Variants in PYGM observed in about 807,000 individuals in gnomAD.
The protein encoded by PYGM is glycogen phosphorylase, muscle form.
A neutral mutation model predicts 99.3 loss-of-function variants in PYGM; 81 were observed. That is an observed-to-expected ratio of 0.82 (90% CI 0.68 to 0.98). The LOEUF is 0.98. Among genes scored for constraint, PYGM ranks in the 50% least tolerant of loss-of-function variants. The pLI is 0.00. For missense variants in PYGM, 1,030 were observed against 1,158.1 expected, an observed-to-expected ratio of 0.89 and a Z score of 1.61; for synonymous variants, 436 against 451.5, an observed-to-expected ratio of 0.97 and a Z score of 0.44.
In PYGM at chr11:64,747,252, TG is replaced by T; in HGVS notation, c.2283del (p.Asp761GlufsTer42). On this transcript the variant is annotated frameshift_variant, in exon 18 of 20. Transcript: ENST00000164139. LOFTEE classifies it high-confidence loss of function. ...FSPKQPDLFK[D>X]IVNMLMHHDR... ...TCATGGTGCATGAGCATATTGACAA[TG>T]TCCTTGAACAGGTCGGGCTGTTTGG... The T allele has an allele frequency of 6.2e-7, 1 of 1,614,134 alleles. No individual in the cohort carries two copies. The highest frequency in any genetic ancestry group is 8.5e-7 in the Non-Finnish European group (1 of 1,179,958).
intron 16 of PYGM, chr11:64,751,078 G>A (rs902331943): frequency 2.0e-6 from 1 of 497,230 alleles, no homozygotes; most frequent in African/African-American, 2.0e-5. Flanking sequence ...TTTTAGTAGA[G>A]ACGGGGTTTC....
chr11:64,759,713 G>T lies in PYGM; in HGVS notation c.186C>A (p.Asp62Glu). Residue 62 changes from aspartate to glutamate, a missense_variant, in exon 1 of 20, where the codon GAC becomes GAA. By Grantham distance (45) the Asp-to-Glu change is conservative (BLOSUM62 2). Transcript: ENST00000164139. The stretch of plus-strand genomic sequence containing the variant: ...TGCGGATCCAGCGCCCCACGAGGTG[G>T]TCGCGCACGGTATGGGCCAGAGCAA... Reference protein sequence around the residue: ...YYFALAHTVRDHLVGRWIRTQ... With the variant: ...YYFALAHTVREHLVGRWIRTQ... 6.2e-7 allele frequency: 1 copy of T among 1,614,198 alleles called. No individual in the cohort carries two copies. Among genetic ancestry groups the T allele is most frequent in the Non-Finnish European group, 8.5e-7 (1 of 1,180,026 alleles).
chr11:64,759,692 G>A lies in PYGM; in HGVS notation c.207C>T (p.Ile69=), dbSNP rs1187793621. The A allele has an allele frequency of 2.5e-6, 4 of 1,613,980 alleles. No homozygotes were observed. The African/African-American group carries it at 5.3e-5, about 22-fold the overall frequency. ...TCTCATAGTAGTGCTGCTGCGTGCG[G>A]ATCCAGCGCCCCACGAGGTGGTCGC... ...TVRDHLVGRW[I]RTQQHYYEKD... Residue 69 remains isoleucine, a synonymous_variant, in exon 1 of 20, where the codon ATC becomes ATT. Coordinates refer to ENST00000164139, the MANE Select transcript of PYGM (RefSeq NM_005609.4).
chr11:64,756,561 T>C (rs1477846600), intron 5 of PYGM, among the ~76,000 whole-genome samples: 4 of 152,056 alleles, frequency 2.6e-5, no homozygotes, highest in African/African-American at 9.7e-5. Context: ...AGCGATTCTC[T>C]GGCTTCAGCC....
intron 17 of PYGM, among the ~76,000 whole-genome samples, chr11:64,749,861 C>T (rs1161421055): frequency 4.1e-5 from 6 of 146,658 alleles, no homozygotes; most frequent in Non-Finnish European, 7.5e-5. Context: ...GGCGCGATCT[C>T]GGCTCACTGC....
rs2058321329 is a variant in PYGM, at chr11:64,747,321, G to T, written c.2215C>A (p.Leu739Ile). Residue 739 changes from leucine (L) to isoleucine (I), a missense_variant, in exon 18 of 20, where the codon CTT becomes ATT. Coordinates refer to ENST00000164139, the MANE Select transcript of PYGM (RefSeq NM_005609.4). ...CTCAGCTGCTCAATGACCTGCCGAA[G>T]CTCAGGAATGCGATCGTAGTACTCC... The part of the protein sequence containing the change: ...AQEYYDRIPE[L>I]RQVIEQLSSG... 1 of 1,614,248 alleles carries T rather than the reference G, an allele frequency of 6.2e-7. No individual in the cohort carries two copies. Among genetic ancestry groups the T allele is most frequent in the South Asian group, 1.1e-5 (1 of 91,088 alleles).
At chr11:64,752,640 C>G (rs2058364795) in intron 12 of PYGM, 136 bp from the exon 13 acceptor site, 2 of 881,334 alleles carry the variant, frequency 2.3e-6, no homozygotes, top group East Asian at 5.3e-5. Flanking sequence ...CCCTCCTCCT[C>G]CAGCCGCCCA....
intron 5 of PYGM, 36 bp downstream of exon 5, chr11:64,757,743 T>A (rs1365745706): frequency 6.2e-7 from 1 of 1,613,686 alleles, no homozygotes; most frequent in Admixed American, 1.7e-5. Context: ...TCCCTCCCCT[T>A]CTCTGGGCTC....
At position 64,752,478 on chromosome 11, in the gene PYGM, G is replaced by T; in HGVS notation, c.1545C>A (p.Asp515Glu). The change falls in exon 13 of 20, where the codon GAC becomes GAA. Residue 515 changes from aspartate (D) to glutamate (E), a missense_variant. Coordinates refer to ENST00000164139, the MANE Select transcript of PYGM (RefSeq NM_005609.4). ...AERIGEDFIS[D>E]LDQLRKLLSF... ...AGAGCAGTTTGCGCAGCTGGTCCAG[G>T]TCAGAGATGAAGTCCTCCCCGATGC... 1.9e-6 allele frequency: 3 copies of T among 1,614,202 alleles called. No homozygotes were observed. The highest frequency in any genetic ancestry group is 1.1e-5 in the South Asian group (1 of 91,088).
At position 64,747,318 on chromosome 11, in the gene PYGM, G is replaced by A. The variant is rs1048544068; in HGVS notation, c.2218C>T (p.Arg740Trp). The change falls in exon 18 of 20, where the codon CGG becomes TGG. Residue 740 changes from arginine to tryptophan, a missense_variant. Transcript: ENST00000164139. ...CTGCTCAGCTGCTCAATGACCTGCC[G>A]AAGCTCAGGAATGCGATCGTAGTAC... ...QEYYDRIPEL[R>W]QVIEQLSSGF... 27 of 1,614,084 alleles carry A rather than the reference G, an allele frequency of 1.7e-5. No individual in the cohort carries two copies. The highest frequency in any genetic ancestry group is 1.6e-4 in the East Asian group (7 of 44,894).
intron 17 of PYGM, 61 bp from the exon 18 acceptor site, chr11:64,747,419 A>G (rs1051887414): frequency 5.3e-5 from 85 of 1,610,350 alleles, no homozygotes; most frequent in Non-Finnish European, 7.0e-5. Flanking sequence ...TCTTCCAGAG[A>G]AAAGCTGAGA....
In PYGM at chr11:64,754,387, T is replaced by C; in HGVS notation, c.1000-42A>G. On this transcript the variant is annotated intron_variant, in intron 8 of 19. Coordinates refer to ENST00000164139, the MANE Select transcript of PYGM (RefSeq NM_005609.4). This position sits in a 1 kb window ranked among gnomAD's most constrained non-coding sequence, Gnocchi z 5.5. ...GGTCAGTCTGGGCTCCAAACCACAT[T>C]CCATGCTATGGTCACTGCCCTATGC... 6.7e-7 allele frequency: 1 copy of C among 1,488,508 alleles called. No individual in the cohort carries two copies. Among genetic ancestry groups the C allele is most frequent in the African/African-American group, 1.4e-5 (1 of 72,032 alleles). The allele number at this position is 1,488,508 out of a possible 1,614,324, so 92.2% of individuals were successfully genotyped here.
In PYGM at chr11:64,754,059, C is replaced by G. The variant is rs774540456; in HGVS notation, c.1093-34G>C. On this transcript the variant is annotated intron_variant, in intron 9 of 19. Transcript: ENST00000164139. The surrounding 1 kb of genome is among the most constrained non-coding windows in gnomAD (Gnocchi z 5.5). ...CGGGGTGGGCAGTCAGGATGCTGAC[C>G]TCAGCCCAGTGGGTCTCCTCACACA... 1 of 1,595,806 alleles carries G rather than the reference C, an allele frequency of 6.3e-7. No homozygotes were observed. The highest frequency in any genetic ancestry group is 8.5e-7 in the Non-Finnish European group (1 of 1,171,302).
chr11:64,753,200 G>A lies in PYGM; in HGVS notation c.1404-13C>T, dbSNP rs771846421. 5 of 1,592,278 alleles carry A rather than the reference G, an allele frequency of 3.1e-6. No individual in the cohort carries two copies. The South Asian group carries it at 5.5e-5, about 18-fold the overall frequency. ...GAAGTCTTTGAAGCTGCAGGATGAG[G>A]TTGGACGAGGGTCACCACTCACCCC... On this transcript the variant is annotated splice_polypyrimidine_tract_variant and intron_variant, in intron 11 of 19. Coordinates refer to ENST00000164139, the MANE Select transcript of PYGM (RefSeq NM_005609.4).
At chr11:64,757,665 C>T in intron 5 of PYGM, 114 bp downstream of exon 5, 1 of 1,482,740 alleles carries the variant, frequency 6.7e-7, no homozygotes, top group Admixed American at 1.8e-5. Flanking sequence ...CACTTAACCT[C>T]TCTGAGCCTC....
rs1565534916 is a variant in PYGM, at chr11:64,753,162, G to T, written c.1429C>A (p.Pro477Thr). ...TTGGTCTTATTCTGGAACTTATGAGGCTCCAGCTCATAGAAGTCTTTGAAG... is the reference window on the plus strand; with the variant it reads ...TTGGTCTTATTCTGGAACTTATGAGTCTCCAGCTCATAGAAGTCTTTGAAG... ...TIFKDFYELE[P>T]HKFQNKTNGI... Residue 477 changes from proline to threonine, a missense_variant, in exon 12 of 20, where the codon CCT becomes ACT. Transcript: ENST00000164139. 6.2e-7 allele frequency: 1 copy of T among 1,613,234 alleles called. No individual in the cohort carries two copies. The highest frequency in any genetic ancestry group is 1.1e-5 in the South Asian group (1 of 91,052).
chr11:64,751,880 C>T lies in PYGM; in HGVS notation c.1768+44G>A, dbSNP rs1320136305. 5 of 1,612,454 alleles carry T rather than the reference C, an allele frequency of 3.1e-6. No individual in the cohort carries two copies. The East Asian group carries it at 8.9e-5, about 29-fold the overall frequency. On this transcript the variant is annotated intron_variant, in intron 14 of 19. Transcript: ENST00000164139. ...GGCAATATGTACTATGCCGCAGGAA[C>T]ACGGGGGAGCACTGAGAGACAGGGT... is the stretch of plus-strand genomic sequence containing the variant.
chr11:64,746,932 C>G lies in PYGM; in HGVS notation c.2368G>C (p.Ala790Pro). ...CCAGGACCCCTCACCTTGTACAAGGCGCTGACTTTCTCCTGGCATTTAATG... is the reference window on the plus strand; with the variant it reads ...CCAGGACCCCTCACCTTGTACAAGGGGCTGACTTTCTCCTGGCATTTAATG... ...DYIKCQEKVS[A>P]LYKNPREWTR... Residue 790 changes from alanine to proline, a missense_variant, in exon 19 of 20, where the codon GCC (alanine) becomes CCC (proline). By Grantham distance (27) the Ala-to-Pro change is conservative. Transcript: ENST00000164139. 6.2e-7 allele frequency: 1 copy of G among 1,614,188 alleles called. No homozygotes were observed. Among genetic ancestry groups the G allele is most frequent in the South Asian group, 1.1e-5 (1 of 91,086 alleles).
Position 64,754,237 on chromosome 11 carries a change from G to A in PYGM, c.1092+16C>T, listed in dbSNP as rs1310457720. 1.2e-6 allele frequency: 2 copies of A among 1,604,440 alleles called. No homozygotes were observed. The highest frequency in any genetic ancestry group is 1.1e-5 in the South Asian group (1 of 90,890). ...GCAGAGAGCATCAGATGGGGCAGAG[G>A]GGCCCTGAAGCCCACCTTGTCCCAG... is the stretch of plus-strand genomic sequence containing the variant. On this transcript the variant is annotated intron_variant, in intron 9 of 19. Transcript: ENST00000164139. The surrounding 1 kb of genome is among the most constrained non-coding windows in gnomAD (Gnocchi z 5.5).
Sources: allele counts gnomAD v4.1 joint callset (sites outside exome capture counted in the v4.1 genomes callset), GRCh38; gene constraint gnomAD v4.1.1; non-coding constraint Gnocchi (gnomAD v3.1); transcripts MANE v1.5; gene names NCBI Gene and HGNC (gene_info 2026-07-23, HGNC 2026-07-21).